LIN28A: variants seen among roughly 807,000 people sequenced by gnomAD.
The protein encoded by LIN28A is protein lin-28 homolog A.
In LIN28A, 11 loss-of-function variants were observed where a neutral mutation model predicts 21.1. The ratio of observed to expected loss-of-function variants is 0.52; its 90% CI spans 0.33 to 0.86. The LOEUF (loss-of-function observed/expected upper bound fraction) is 0.86. LIN28A is among the 40% of genes least tolerant of loss of function. The probability of loss-of-function intolerance (pLI) is 0.03; values close to 1 mark genes in which losing one functional copy is unlikely to be tolerated. For missense variants in LIN28A, 219 were observed against 279.8 expected (o/e 0.78, Z 1.55); for synonymous variants, 111 against 108.7 (o/e 1.02, Z -0.13).
At chr1:26,415,800 CAG>C (rs1276211315) in intron 2 of LIN28A, among the ~76,000 whole-genome samples, 3 of 152,096 alleles carry the variant, frequency 2.0e-5, no homozygotes, top group South Asian at 2.1e-4. Context: ...TTTTTGTTGA[CAG>C]AGTGGAAGCC....
At chr1:26,424,747 T>A (rs2075048648) in intron 2 of LIN28A, among the ~76,000 whole-genome samples, 1 of 152,092 alleles carries the variant, frequency 6.6e-6, no homozygotes, top group Non-Finnish European at 1.5e-5. Flanking sequence ...TTGTTGTTTG[T>A]TTGTTTGTTT....
At chr1:26,412,796 G>A (rs1328778081) in intron 2 of LIN28A, among the ~76,000 whole-genome samples, 1 of 152,082 alleles carries the variant, frequency 6.6e-6, no homozygotes, top group African/African-American at 2.4e-5. Flanking sequence ...CAGCAGGGAC[G>A]TCTTTGAGCA....
chr1:26,426,787 G>GA lies in LIN28A; in HGVS notation c.*331dup. ...ATAGGGAAGTTGTTTTCCTTTTAAA[G>GA]AAGGATATATAATAATTCCCATGCC... On this transcript the variant is annotated 3_prime_UTR_variant, in exon 4 of 4. Transcript: ENST00000326279. The GA allele has an allele frequency of 3.3e-6, 1 of 301,138 alleles. No individual in the cohort carries two copies. The highest frequency in any genetic ancestry group is 6.4e-6 in the Non-Finnish European group (1 of 155,676). 18.7% of individuals were successfully genotyped at this position (301,138 alleles called of 1,614,324 possible). A position where few individuals can be genotyped will look rare whatever the true frequency, so the allele number is the denominator to read the frequency against.
rs201129957 is a variant in LIN28A, at chr1:26,411,346, C to T, written c.32-40C>T. Reference sequence around the variant, plus strand: ...GGGGCCCGAGACGGCCCTCCGATTCCGTGCCCCCCAGCTAAGTGCCCGGCC... The same window carrying T: ...GGGGCCCGAGACGGCCCTCCGATTCTGTGCCCCCCAGCTAAGTGCCCGGCC... On this transcript the variant is annotated intron_variant, in intron 1 of 3. Coordinates refer to ENST00000326279, the MANE Select transcript of LIN28A (RefSeq NM_024674.6). The surrounding 1 kb of genome is among the most constrained non-coding windows in gnomAD (Gnocchi z 5.4). 3.1e-4 allele frequency: 470 copies of T among 1,494,434 alleles called. No individual in the cohort carries two copies. The African/African-American group carries it at 6.0e-3, about 19-fold the overall frequency. The allele number at this position is 1,494,434 out of a possible 1,614,324, so 92.6% of individuals were successfully genotyped here. A position where few individuals can be genotyped will look rare whatever the true frequency, so the allele number is the denominator to read the frequency against.
chr1:26,421,675 T>G (rs2075029417), intron 2 of LIN28A, among the ~76,000 whole-genome samples: 1 of 152,238 alleles, frequency 6.6e-6, no homozygotes, highest in South Asian at 2.1e-4. Flanking sequence ...CAGCATTTAT[T>G]GAATTATTTT....
At chr1:26,423,413 CT>C (rs1202952934) in intron 2 of LIN28A, among the ~76,000 whole-genome samples, 255 of 78,800 alleles carry the variant, frequency 3.2e-3, no homozygotes, top group East Asian at 7.9e-3. Flanking sequence ...TTTTCTTTTT[CT>C]TTTTTTTTTT....
At chr1:26,425,980 A>T (rs2075056895) in intron 3 of LIN28A, among the ~76,000 whole-genome samples, 2 of 152,258 alleles carry the variant, frequency 1.3e-5, no homozygotes, top group Admixed American at 6.5e-5. Context: ...TGCAGTTCCT[A>T]GTTGGGGTCA....
intron 2 of LIN28A, among the ~76,000 whole-genome samples, chr1:26,421,422 A>G (rs2075028249): frequency 6.6e-6 from 1 of 152,198 alleles, no homozygotes; most frequent in African/African-American, 2.4e-5. Context: ...TGAGATACTG[A>G]GTATATGTGT....
intron 2 of LIN28A, among the ~76,000 whole-genome samples, chr1:26,421,676 G>T (rs542656220): frequency 6.6e-6 from 1 of 152,170 alleles, no homozygotes; most frequent in East Asian, 1.9e-4. Flanking sequence ...AGCATTTATT[G>T]AATTATTTTT....
intron 2 of LIN28A, among the ~76,000 whole-genome samples, chr1:26,421,396 T>G (rs964963167): frequency 4.6e-5 from 7 of 152,196 alleles, no homozygotes; most frequent in Non-Finnish European, 8.8e-5. Context: ...TATTTCCAAT[T>G]TTTTTAAAGC....
chr1:26,414,460 C>T (rs1472392520), intron 2 of LIN28A, among the ~76,000 whole-genome samples: 3 of 152,154 alleles, frequency 2.0e-5, no homozygotes, highest in Admixed American at 6.5e-5. Context: ...GCCCTGTTAA[C>T]TAATGTTCTT....
intron 3 of LIN28A, 108 bp from the exon 4 acceptor site, chr1:26,426,134 G>A: frequency 4.9e-6 from 4 of 817,448 alleles, no homozygotes; most frequent in Non-Finnish European, 8.0e-6. Flanking sequence ...CTCTGGGAAG[G>A]GAAGTAAGTG....
At position 26,419,278 on chromosome 1, in the gene LIN28A, C is replaced by A. The variant is rs543723046; in HGVS notation, c.229-6025C>A. Among the ~76,000 whole-genome samples the A allele has an allele frequency of 3.3e-5, 5 of 152,140 alleles. No homozygotes were observed. In the East Asian group the frequency reaches 9.6e-4, roughly 29 times the overall value. On this transcript the variant is annotated intron_variant, in intron 2 of 3. Transcript: ENST00000326279. ...GCGGGGGAGGAGGGCAGGGAGCCAC[C>A]CCTGGAGACCACCAGTTTAAATCTC...
intron 3 of LIN28A, among the ~76,000 whole-genome samples, chr1:26,425,868 G>C (rs2075056196): frequency 6.6e-6 from 1 of 152,180 alleles, no homozygotes; most frequent in African/African-American, 2.4e-5. Context: ...CCTTAATCTT[G>C]CTTGGGCTTA....
rs747220883 is a variant in LIN28A at position 26,426,502 on chromosome 1, G to T, written c.*44G>T. The T allele has an allele frequency of 2.0e-6, 3 of 1,482,944 alleles. No individual in the cohort carries two copies. In the South Asian group the frequency reaches 3.4e-5, roughly 17 times the overall value. The allele number at this position is 1,482,944 out of a possible 1,614,324, so 91.9% of individuals were successfully genotyped here. A position where few individuals can be genotyped will look rare whatever the true frequency, so the allele number is the denominator to read the frequency against. On this transcript the variant is annotated 3_prime_UTR_variant, in exon 4 of 4. Transcript: ENST00000326279. ...TATTCTTTTGCTATCAGGAAGTTTT[G>T]AGGAGCAGGCAGAGTGGAGAAAGTG...
intron 2 of LIN28A, among the ~76,000 whole-genome samples, chr1:26,412,503 C>T (rs1407500354): frequency 3.9e-5 from 6 of 152,120 alleles, no homozygotes; most frequent in African/African-American, 1.4e-4. Context: ...TGGTCCTGGG[C>T]CACCAGCTAC....
In LIN28A at chr1:26,429,067, GA is replaced by G; in HGVS notation, c.*2610del. 1 of 153,440 alleles carries G rather than the reference GA, an allele frequency of 6.5e-6. No homozygotes were observed. Among genetic ancestry groups the G allele is most frequent in the Non-Finnish European group, 1.5e-5 (1 of 68,942 alleles). The allele number at this position is 153,440 out of a possible 1,614,324, so 9.5% of individuals were successfully genotyped here. A position where few individuals can be genotyped will look rare whatever the true frequency, so the allele number is the denominator to read the frequency against. Reference sequence around the variant, plus strand: ...TTTAGTCCTAGCTATTCAGGAGGCTGAGGCAGGGGAATCGCTTGAACCCGAG... The same window carrying G: ...TTTAGTCCTAGCTATTCAGGAGGCTGGGCAGGGGAATCGCTTGAACCCGAG... On this transcript the variant is annotated 3_prime_UTR_variant, in exon 4 of 4. Coordinates refer to ENST00000326279, the MANE Select transcript of LIN28A (RefSeq NM_024674.6).
At position 26,411,392 on chromosome 1, in the gene LIN28A, G is replaced by A; in HGVS notation, c.38G>A (p.Cys13Tyr). The A allele has an allele frequency of 6.3e-7, 1 of 1,593,138 alleles. No homozygotes were observed. Among genetic ancestry groups the A allele is most frequent in the Non-Finnish European group, 8.5e-7 (1 of 1,171,500 alleles). The change falls in exon 2 of 4, where the codon TGC becomes TAC. Residue 13 changes from cysteine to tyrosine, a missense_variant. Physicochemically the swap from Cys to Tyr is radical, Grantham distance 194. Coordinates refer to ENST00000326279, the MANE Select transcript of LIN28A (RefSeq NM_024674.6). This position sits in a 1 kb window ranked among gnomAD's most constrained non-coding sequence, Gnocchi z 5.4. ...SVSNQQFAGGCAKAAEEAPEE... is the reference protein window; with the variant it reads ...SVSNQQFAGGYAKAAEEAPEE... ...CGGCCCTCCCTCTCTCCAGGTGGCT[G>A]CGCCAAGGCGGCAGAAGAGGCGCCC...
At chr1:26,417,110 C>G (rs545952523) in intron 2 of LIN28A, among the ~76,000 whole-genome samples, 4 of 152,178 alleles carry the variant, frequency 2.6e-5, no homozygotes, top group Non-Finnish European at 4.4e-5. Context: ...TAAATCTACC[C>G]GAACACTTGA....
Sources: allele counts gnomAD v4.1 joint callset (sites outside exome capture counted in the v4.1 genomes callset), GRCh38; gene constraint gnomAD v4.1.1; non-coding constraint Gnocchi (gnomAD v3.1); transcripts MANE v1.5; gene names NCBI Gene and HGNC (gene_info 2026-07-23, HGNC 2026-07-21).